MMAA: variants seen among roughly 807,000 people sequenced by gnomAD.
The protein encoded by MMAA is methylmalonic aciduria type A protein, mitochondrial.
MMAA carries 41 observed loss-of-function variants against 45.0 expected under a neutral mutation model. That is an observed-to-expected ratio of 0.91 (90% CI 0.71 to 1.18). The LOEUF is 1.18. MMAA is among the 50% of genes most tolerant of loss of function. The pLI is 0.00. For missense variants in MMAA, 460 were observed against 495.7 expected (o/e 0.93, Z 0.68); for synonymous variants, 154 against 178.2 (o/e 0.86, Z 1.08).
At chr4:145,624,887 T>C (rs1734168442) in intron 1 of MMAA, 12 of 1,597,306 alleles carry the variant, frequency 7.5e-6, no homozygotes, top group Middle Eastern at 3.3e-4. Context: ...GGGTGTACAA[T>C]GGTTTCTTGG....
chr4:145,650,969 G>C, intron 4 of MMAA, 93 bp from the exon 5 acceptor site: 2 of 1,065,408 alleles, frequency 1.9e-6, no homozygotes, highest in Non-Finnish European at 2.9e-6. Context: ...CCATGAGTAT[G>C]AGTAAATGAA....
rs1201680153 is a variant in MMAA, at chr4:145,658,694, A to G, written c.*3260A>G. On this transcript the variant is annotated 3_prime_UTR_variant, in exon 7 of 7. Transcript: ENST00000649156. ...TTATGTAGTTGAACCTCTAAGGCAA[A>G]AAAAAAAAAAAAAAGGAAAAATTAG... The G allele has an allele frequency of 6.8e-6, 1 of 147,426 alleles. No homozygotes were observed. The highest frequency in any genetic ancestry group is 2.5e-5 in the African/African-American group (1 of 40,190). 9.1% of individuals were successfully genotyped at this position (147,426 alleles called of 1,614,324 possible).
At chr4:145,652,681 G>A (rs1246904265) in intron 5 of MMAA, among the ~76,000 whole-genome samples, 2 of 151,848 alleles carry the variant, frequency 1.3e-5, no homozygotes, top group Non-Finnish European at 2.9e-5. Flanking sequence ...AGTGAGCCAA[G>A]ATCGCACCAC....
intron 5 of MMAA, among the ~76,000 whole-genome samples, chr4:145,652,354 G>T (rs1728117100): frequency 6.6e-6 from 1 of 152,082 alleles, no homozygotes; most frequent in South Asian, 2.1e-4. Context: ...ATATCACATG[G>T]CATAAAACCC....
intron 1 of MMAA, chr4:145,625,484 A>T (rs977024873): frequency 1.4e-6 from 1 of 721,872 alleles, no homozygotes; most frequent in Non-Finnish European, 2.6e-6. Flanking sequence ...TGGCATAGGG[A>T]TATAGCCTCT....
chr4:145,623,918 A>C (rs1223587845), intron 1 of MMAA, among the ~76,000 whole-genome samples: 1 of 152,200 alleles, frequency 6.6e-6, no homozygotes, highest in Admixed American at 6.5e-5. Context: ...TGTGGGGGTG[A>C]ATTAACACTT....
Position 145,645,977 on chromosome 4 carries a change from A to C in MMAA, c.563-9A>C. The C allele has an allele frequency of 6.2e-7, 1 of 1,613,730 alleles. No individual in the cohort carries two copies. Among genetic ancestry groups the C allele is most frequent in the Non-Finnish European group, 8.5e-7 (1 of 1,179,726 alleles). Reference sequence around the variant, plus strand: ...TTCCATGATTATAAAATGTAACTGTATGTTTTAGGATCACTCTTAGGTGAT... The same window carrying C: ...TTCCATGATTATAAAATGTAACTGTCTGTTTTAGGATCACTCTTAGGTGAT... On this transcript the variant is annotated splice_polypyrimidine_tract_variant and intron_variant, in intron 3 of 6. Transcript: ENST00000649156.
chr4:145,646,576 G>C (rs1168513942), intron 4 of MMAA: 2 of 203,518 alleles, frequency 9.8e-6, no homozygotes, highest in African/African-American at 4.8e-5. Flanking sequence ...TTAGCATATA[G>C]TTACATGTGA....
chr4:145,650,780 AG>A, intron 4 of MMAA: 1 of 460,638 alleles, frequency 2.2e-6, no homozygotes, highest in Non-Finnish European at 3.9e-6. Context: ...ATGAAAAGGA[AG>A]CCAAGAAAGA....
chr4:145,658,719 G>C lies in MMAA; in HGVS notation c.*3285G>C, dbSNP rs142885287. The C allele has an allele frequency of 6.7e-6, 1 of 148,164 alleles. No individual in the cohort carries two copies. Among genetic ancestry groups the C allele is most frequent in the South Asian group, 2.1e-4 (1 of 4,740 alleles). 9.2% of individuals were successfully genotyped at this position (148,164 alleles called of 1,614,324 possible). A position where few individuals can be genotyped will look rare whatever the true frequency, so the allele number is the denominator to read the frequency against. Reference sequence around the variant, plus strand: ...AAAAAAAAAAAAAAAGGAAAAATTAGTGAAAATCATTCAAACATTATGCTC... The same window carrying C: ...AAAAAAAAAAAAAAAGGAAAAATTACTGAAAATCATTCAAACATTATGCTC... On this transcript the variant is annotated 3_prime_UTR_variant, in exon 7 of 7. Transcript: ENST00000649156.
At chr4:145,652,318 C>T (rs1233661770) in intron 5 of MMAA, among the ~76,000 whole-genome samples, 2 of 152,170 alleles carry the variant, frequency 1.3e-5, no homozygotes, top group African/African-American at 4.8e-5. Context: ...TCTCTAGCCC[C>T]TGTCCCCTCC....
chr4:145,657,209 C>G lies in MMAA; in HGVS notation c.*1775C>G, dbSNP rs1224725726. On this transcript the variant is annotated 3_prime_UTR_variant, in exon 7 of 7. Transcript: ENST00000649156. ...AAGCATTTCTTCTCAGTTTGAACTA[C>G]TTTTAAATGTTATAAATGTCATCAT... is the stretch of plus-strand genomic sequence containing the variant. 1 of 152,148 alleles carries G rather than the reference C, an allele frequency of 6.6e-6. No individual in the cohort carries two copies. The highest frequency in any genetic ancestry group is 1.5e-5 in the Non-Finnish European group (1 of 68,024). 9.4% of individuals were successfully genotyped at this position (152,148 alleles called of 1,614,324 possible). A position where few individuals can be genotyped will look rare whatever the true frequency, so the allele number is the denominator to read the frequency against.
intron 5 of MMAA, 36 bp from the exon 6 acceptor site, chr4:145,653,958 A>G (rs745565526): frequency 6.2e-7 from 1 of 1,611,422 alleles, no homozygotes; most frequent in Non-Finnish European, 8.5e-7. Flanking sequence ...TCCCATTTTT[A>G]TGTTGGTTGT....
chr4:145,620,294 A>G (rs1734063986), intron 1 of MMAA, among the ~76,000 whole-genome samples: 1 of 152,240 alleles, frequency 6.6e-6, no homozygotes, highest in Admixed American at 6.5e-5. Flanking sequence ...AGACAAAACA[A>G]GCATGAAAAG....
intron 3 of MMAA, among the ~76,000 whole-genome samples, chr4:145,643,296 T>G (rs541217688): frequency 6.6e-6 from 1 of 152,296 alleles, no homozygotes; most frequent in South Asian, 2.1e-4. Context: ...GGAAGGTTCT[T>G]AAACTGTGTT....
In MMAA at chr4:145,657,413, C is replaced by T. The variant is rs2126631483; in HGVS notation, c.*1979C>T. ...AACTCAGAAATCCTATTCCCTCTCC[C>T]CATCTGTGATTATATTGTACTGGAC... On this transcript the variant is annotated 3_prime_UTR_variant, in exon 7 of 7. Coordinates refer to ENST00000649156, the MANE Select transcript of MMAA (RefSeq NM_172250.3). 6.6e-6 allele frequency: 1 copy of T among 152,074 alleles called. No homozygotes were observed. The highest frequency in any genetic ancestry group is 2.4e-5 in the African/African-American group (1 of 41,458). The allele number at this position is 152,074 out of a possible 1,614,324, so 9.4% of individuals were successfully genotyped here.
chr4:145,654,173 C>T (rs1235359447), intron 6 of MMAA, 30 bp downstream of exon 6: 1 of 1,613,344 alleles, frequency 6.2e-7, no homozygotes, highest in Admixed American at 1.7e-5. Flanking sequence ...GTATCTTTCA[C>T]TCTGAATGGA....
chr4:145,626,142 T>C (rs1734202334), intron 1 of MMAA: 2 of 504,316 alleles, frequency 4.0e-6, no homozygotes, highest in Admixed American at 3.6e-5. Context: ...GCTGATTCGA[T>C]TATTGATCTA....
At chr4:145,653,933 A>T (rs1304504277) in intron 5 of MMAA, 61 bp from the exon 6 acceptor site, 2 of 1,546,994 alleles carry the variant, frequency 1.3e-6, no homozygotes, top group Non-Finnish European at 1.8e-6. Flanking sequence ...TCAAAATCTG[A>T]GCATTGACTA....
Sources: gnomAD v4.1 joint callset for allele counts (sites outside exome capture counted in the v4.1 genomes callset) on GRCh38, gnomAD v4.1.1 for gene constraint, MANE v1.5 for transcripts, NCBI Gene and HGNC (gene_info 2026-07-23, HGNC 2026-07-21) for gene names.